IL18R1: variants seen among roughly 807,000 people sequenced by gnomAD.
IL18R1 encodes interleukin-18 receptor 1.
IL18R1 carries 40 observed loss-of-function variants against 48.5 expected under a neutral mutation model. That is an observed-to-expected ratio of 0.82 (90% confidence interval 0.64 to 1.07). IL18R1 has a LOEUF of 1.07. Among genes scored for constraint, IL18R1 ranks in the 50% least tolerant of loss-of-function variants. The probability of loss-of-function intolerance (pLI) is 0.00; values close to 1 mark genes in which losing one functional copy is unlikely to be tolerated. For missense variants in IL18R1, 596 were observed against 633.7 expected (o/e 0.94, Z 0.64); for synonymous variants, 232 against 225.9 (o/e 1.03, Z -0.24).
intron 3 of IL18R1, among the ~76,000 whole-genome samples, chr2:102,368,432 G>A (rs921501779): frequency 3.3e-5 from 5 of 152,274 alleles, no homozygotes; most frequent in East Asian, 1.9e-4. Flanking sequence ...AATGTGTTGC[G>A]AATGGGGCAG....
In IL18R1 at chr2:102,367,904, A is replaced by G. The variant is rs375398936; in HGVS notation, c.138A>G (p.Ala46=). 6 of 1,614,096 alleles carry G rather than the reference A, an allele frequency of 3.7e-6. No individual in the cohort carries two copies. In the African/African-American group the frequency reaches 6.7e-5, roughly 18 times the overall value. The part of the protein sequence containing the change: ...FYLKHCSCSL[A]HEIETTTKSW... ...TGAAACATTGCTCGTGTTCACTTGC[A>G]CATGAGATTGAAACAACCACCAAAA... is the stretch of plus-strand genomic sequence containing the variant. Residue 46 remains alanine, a synonymous_variant, in exon 3 of 11, where the codon GCA becomes GCG. Transcript: ENST00000233957.
intron 8 of IL18R1, among the ~76,000 whole-genome samples, chr2:102,389,012 A>G (rs1680407888): frequency 6.6e-6 from 1 of 152,216 alleles, no homozygotes; most frequent in African/African-American, 2.4e-5. Context: ...ATATACATAT[A>G]TGCATGTATA....
chr2:102,379,885 G>A (rs10208196), intron 5 of IL18R1, among the ~76,000 whole-genome samples: 81,197 of 151,952 alleles, frequency 0.53, 23,546 homozygotes, highest in African/African-American at 0.73. Context: ...TGAAGCAGGA[G>A]GGTCAGAGAG....
chr2:102,366,264 A>G (rs1395958807), intron 2 of IL18R1, among the ~76,000 whole-genome samples: 1 of 152,196 alleles, frequency 6.6e-6, no homozygotes, highest in Non-Finnish European at 1.5e-5. Flanking sequence ...TCAAAGTTCC[A>G]TAGATCTCTA....
intron 1 of IL18R1, among the ~76,000 whole-genome samples, chr2:102,361,405 GTTTGGCAGC>G (rs1678566322): frequency 6.6e-6 from 1 of 152,130 alleles, no homozygotes; most frequent in South Asian, 2.1e-4. Context: ...TATGTGAATG[GTTTGGCAGC>G]TTAGCCATTA....
intron 1 of IL18R1, among the ~76,000 whole-genome samples, chr2:102,361,182 C>T (rs953525101): frequency 6.6e-6 from 1 of 152,088 alleles, no homozygotes; most frequent in African/African-American, 2.4e-5. Flanking sequence ...AAGGAAATAA[C>T]ATTTTTTATT....
chr2:102,383,577 T>A (rs1680040014), intron 6 of IL18R1, among the ~76,000 whole-genome samples: 2 of 152,238 alleles, frequency 1.3e-5, no homozygotes, highest in Admixed American at 6.5e-5. Flanking sequence ...CTCTGTCATA[T>A]GAAATAATCA....
chr2:102,384,883 A>G lies in IL18R1; in HGVS notation c.694A>G (p.Asn232Asp), dbSNP rs780559206. 7.5e-6 allele frequency: 12 copies of G among 1,606,566 alleles called. No individual in the cohort carries two copies. The highest frequency in any genetic ancestry group is 1.0e-5 in the Non-Finnish European group (12 of 1,177,436). The stretch of plus-strand genomic sequence containing the variant: ...TAGTTGCCAACTTTTACCAGGAAAA[A>G]ACGTAAGGCTCAACTGCTCTGCTTT... Reference protein sequence around the residue: ...LNHVAVELGKNVRLNCSALLN... With the variant: ...LNHVAVELGKDVRLNCSALLN... Residue 232 changes from asparagine to aspartate, a missense_variant, in exon 7 of 11, where the codon AAC becomes GAC. Transcript: ENST00000233957.
intron 5 of IL18R1, among the ~76,000 whole-genome samples, chr2:102,379,943 T>G (rs1679821645): frequency 6.6e-6 from 1 of 152,156 alleles, no homozygotes; most frequent in African/African-American, 2.4e-5. Flanking sequence ...TCGTTGAGTT[T>G]AAAGTACTCA....
chr2:102,380,750 G>C (rs1679873608), intron 5 of IL18R1, among the ~76,000 whole-genome samples: 1 of 152,148 alleles, frequency 6.6e-6, no homozygotes, highest in South Asian at 2.1e-4. Context: ...ACTCAACCAG[G>C]CATTCTGCTT....
chr2:102,392,196 G>A (rs1018379017), intron 9 of IL18R1, among the ~76,000 whole-genome samples: 4 of 152,142 alleles, frequency 2.6e-5, no homozygotes, highest in African/African-American at 7.2e-5. Context: ...ACTTTAAATT[G>A]AACAACATAA....
Position 102,367,979 on chromosome 2 carries a change from G to C in IL18R1, c.213G>C (p.Arg71Ser). The C allele has an allele frequency of 6.2e-7, 1 of 1,614,210 alleles. No individual in the cohort carries two copies. The highest frequency in any genetic ancestry group is 1.6e-4 in the Middle Eastern group (1 of 6,062). The change falls in exon 3 of 11, where the codon AGG (arginine) becomes AGC (serine). Residue 71 changes from arginine to serine, a missense_variant. Arg to Ser is a moderately radical substitution (Grantham distance 110). This residue lies in a region of IL18R1 where 360 missense variants were observed against 339.4 expected (regional missense o/e 1.06). Transcript: ENST00000233957. ...GSQEHVELNP[R>S]SSSRIALHDC... ...AGGAACATGTGGAGCTGAACCCAAG[G>C]AGTTCCTCGAGAATTGCTTTGCATG...
chr2:102,370,831 A>T (rs915582229), intron 3 of IL18R1, among the ~76,000 whole-genome samples: 2 of 152,144 alleles, frequency 1.3e-5, no homozygotes, highest in Non-Finnish European at 2.9e-5. Context: ...TCTTCCTTCT[A>T]TCCTATTGTA....
chr2:102,394,769 A>C (rs1044686637), intron 10 of IL18R1, 142 bp downstream of exon 10: 1 of 566,796 alleles, frequency 1.8e-6, no homozygotes, highest in Non-Finnish European at 3.0e-6. Flanking sequence ...ACGTAAGTCA[A>C]CAATCGATAG....
chr2:102,389,035 T>C (rs141830960), intron 8 of IL18R1, among the ~76,000 whole-genome samples: 7 of 152,172 alleles, frequency 4.6e-5, no homozygotes, highest in African/African-American at 1.7e-4. Context: ...TACACATATT[T>C]GCAAATGTAT....
intron 4 of IL18R1, 128 bp downstream of exon 4, chr2:102,372,246 C>A (rs1268845742): frequency 4.5e-6 from 3 of 659,516 alleles, no homozygotes; most frequent in Non-Finnish European, 7.5e-6. Context: ...GCTCACTTGC[C>A]CTGTTTGAGC....
At chr2:102,370,158 T>C (rs1465321) in intron 3 of IL18R1, among the ~76,000 whole-genome samples, 117,940 of 152,092 alleles carry the variant, frequency 0.78, 46,737 homozygotes, top group African/African-American at 0.9. Flanking sequence ...GTGTTAACCC[T>C]AGCCTTGGAG....
rs953749641 is a variant in IL18R1 at position 102,389,970 on chromosome 2, A to G, written c.950-86A>G. 9.9e-6 allele frequency: 13 copies of G among 1,312,962 alleles called. No homozygotes were observed. The Admixed American group carries it at 2.4e-4, about 24-fold the overall frequency. The allele number at this position is 1,312,962 out of a possible 1,614,324, so 81.3% of individuals were successfully genotyped here. ...TGGCAACTACTGCATTAGTGTTAGC[A>G]GTAAAAATGGACAAGCACGTGATGA... On this transcript the variant is annotated intron_variant, in intron 8 of 10. Transcript: ENST00000233957.
intron 9 of IL18R1, 115 bp downstream of exon 9, chr2:102,390,332 G>A (rs1191515610): frequency 2.2e-6 from 2 of 925,816 alleles, no homozygotes. Context: ...TGTGGGAGAG[G>A]TTTTCTATGG....
Sources: allele counts gnomAD v4.1 joint callset (sites outside exome capture counted in the v4.1 genomes callset), GRCh38; gene constraint gnomAD v4.1.1; regional missense constraint gnomAD v4.1.1; transcripts MANE v1.5; gene names NCBI Gene and HGNC (gene_info 2026-07-23, HGNC 2026-07-21).